MAP7: variants seen among roughly 807,000 people sequenced by gnomAD.
The protein encoded by MAP7 is ensconsin.
Under a neutral mutation model 94.8 loss-of-function variants are expected in MAP7, and 52 were observed. That is an observed-to-expected ratio of 0.55 (90% confidence interval 0.44 to 0.69). The LOEUF is 0.69. MAP7 is among the 30% of genes least tolerant of loss of function. The pLI, the probability that MAP7 is intolerant of heterozygous loss-of-function variation, is 0.00. For missense variants in MAP7, 940 were observed against 964.6 expected (o/e 0.97, Z 0.34); for synonymous variants, 350 against 357.0 (o/e 0.98, Z 0.22).
At chr6:136,412,741 G>C (rs1177654207) in intron 2 of MAP7, among the ~76,000 whole-genome samples, 1 of 152,214 alleles carries the variant, frequency 6.6e-6, no homozygotes, top group African/African-American at 2.4e-5. Context: ...GGGTGGAGAA[G>C]AGGGGTTCTG....
At chr6:136,487,116 T>C (rs1562454331) in intron 1 of MAP7, among the ~76,000 whole-genome samples, 1 of 152,192 alleles carries the variant, frequency 6.6e-6, no homozygotes, top group Non-Finnish European at 1.5e-5. Context: ...TCTTTGCCCA[T>C]GACATTGACA....
intron 1 of MAP7, among the ~76,000 whole-genome samples, chr6:136,457,507 A>G (rs1803720890): frequency 1.3e-5 from 2 of 152,168 alleles, no homozygotes; most frequent in Admixed American, 1.3e-4. Flanking sequence ...CTAAGACACT[A>G]CAAGACAAGC....
chr6:136,346,021 A>G lies in MAP7; in HGVS notation c.2074T>C (p.Phe692Leu). The part of the protein sequence containing the change: ...ENGVSVQNEN[F>L]EEIINLPIGS... The stretch of plus-strand genomic sequence containing the variant: ...ATGGGTAAGTTTATAATTTCTTCAA[A>G]ATTTTCATTCTGAACAGATACACCA... The change falls in exon 17 of 18, where the codon TTT (phenylalanine) becomes CTT (leucine). Residue 692 changes from phenylalanine (F) to leucine (L), a missense_variant. Physicochemically the swap from Phe to Leu is conservative, Grantham distance 22. Transcript: ENST00000354570. 1 of 1,613,886 alleles carries G rather than the reference A, an allele frequency of 6.2e-7. No homozygotes were observed. The highest frequency in any genetic ancestry group is 8.5e-7 in the Non-Finnish European group (1 of 1,179,826).
At chr6:136,517,469 G>A (rs193088810) in intron 1 of MAP7, among the ~76,000 whole-genome samples, 63 of 152,226 alleles carry the variant, frequency 4.1e-4, no homozygotes, top group African/African-American at 1.4e-3. Context: ...TGAGACATTT[G>A]GTTATAAATT....
chr6:136,360,935 C>T (rs1792495798), intron 12 of MAP7, 70 bp downstream of exon 12: 1 of 1,546,216 alleles, frequency 6.5e-7, no homozygotes, highest in Non-Finnish European at 8.7e-7. Flanking sequence ...CCAGTCCGCA[C>T]CCTCCTCTGC....
chr6:136,435,136 G>C (rs554280866), intron 1 of MAP7, among the ~76,000 whole-genome samples: 1 of 152,248 alleles, frequency 6.6e-6, no homozygotes, highest in Admixed American at 6.5e-5. Flanking sequence ...CATCCACTTG[G>C]GGGTTGGTGC....
intron 1 of MAP7, among the ~76,000 whole-genome samples, chr6:136,471,801 C>T (rs1809112755): frequency 6.6e-6 from 1 of 152,144 alleles, no homozygotes; most frequent in African/African-American, 2.4e-5. Context: ...TATATTAATA[C>T]TTTTCTACTC....
chr6:136,405,282 A>G (rs1785250240), intron 3 of MAP7, among the ~76,000 whole-genome samples: 1 of 152,238 alleles, frequency 6.6e-6, no homozygotes, highest in South Asian at 2.1e-4. Context: ...TCAACAAATA[A>G]GTAAAATATC....
intron 6 of MAP7, among the ~76,000 whole-genome samples, chr6:136,382,928 C>CA (rs1190294032): frequency 6.6e-6 from 1 of 152,094 alleles, no homozygotes; most frequent in Non-Finnish European, 1.5e-5. Flanking sequence ...TATGTAAAAA[C>CA]AAGCAGCTTA....
At chr6:136,393,994 T>G (rs1358933964) in intron 3 of MAP7, among the ~76,000 whole-genome samples, 1 of 144,788 alleles carries the variant, frequency 6.9e-6, no homozygotes, top group Non-Finnish European at 1.5e-5. Flanking sequence ...TTTTTTTTTT[T>G]TTTTTTTGAG....
intron 1 of MAP7, among the ~76,000 whole-genome samples, chr6:136,477,011 G>T (rs1396635590): frequency 6.6e-6 from 1 of 152,144 alleles, no homozygotes; most frequent in Non-Finnish European, 1.5e-5. Context: ...AATCACTGAG[G>T]CTAAAGTTAA....
intron 1 of MAP7, among the ~76,000 whole-genome samples, chr6:136,462,147 C>T (rs1805437507): frequency 7.2e-6 from 1 of 139,048 alleles, no homozygotes; most frequent in South Asian, 2.3e-4. Flanking sequence ...CTAGCCTGGG[C>T]AGCATAGTAA....
At chr6:136,430,188 G>A (rs1392872873) in intron 1 of MAP7, among the ~76,000 whole-genome samples, 3 of 152,120 alleles carry the variant, frequency 2.0e-5, no homozygotes, top group African/African-American at 7.2e-5. Context: ...ATGTGGAAAA[G>A]AAAAATAATT....
At chr6:136,543,392 T>C (rs1829481789) in intron 1 of MAP7, among the ~76,000 whole-genome samples, 1 of 152,222 alleles carries the variant, frequency 6.6e-6, no homozygotes, top group Non-Finnish European at 1.5e-5. Context: ...CTCACGCCTG[T>C]AATCCCAGCA....
At chr6:136,356,601 T>C in intron 16 of MAP7, 91 bp downstream of exon 16, 1 of 983,300 alleles carries the variant, frequency 1.0e-6, no homozygotes, top group Non-Finnish European at 1.5e-6. Flanking sequence ...CCCCAAATAA[T>C]AAATCCTAAT....
At chr6:136,486,319 A>C (rs1316661040) in intron 1 of MAP7, among the ~76,000 whole-genome samples, 2 of 152,170 alleles carry the variant, frequency 1.3e-5, no homozygotes, top group African/African-American at 4.8e-5. Context: ...TCCCTGGCAA[A>C]AGCAAGAACA....
At chr6:136,432,534 A>G (rs1795240213) in intron 1 of MAP7, among the ~76,000 whole-genome samples, 1 of 152,202 alleles carries the variant, frequency 6.6e-6, no homozygotes, top group Admixed American at 6.5e-5. Context: ...GGAATTCTAA[A>G]AAGAATGTGA....
At chr6:136,460,646 A>T (rs1017921582) in intron 1 of MAP7, among the ~76,000 whole-genome samples, 2 of 152,136 alleles carry the variant, frequency 1.3e-5, no homozygotes, top group Non-Finnish European at 2.9e-5. Context: ...TCATCCTTCA[A>T]TACAAGCAGA....
At chr6:136,476,430 G>A (rs944854298) in intron 1 of MAP7, among the ~76,000 whole-genome samples, 1 of 152,028 alleles carries the variant, frequency 6.6e-6, no homozygotes, top group African/African-American at 2.4e-5. Flanking sequence ...GATTTTTGTG[G>A]CTTTGAAGTT....
Sources: allele counts gnomAD v4.1 joint callset (sites outside exome capture counted in the v4.1 genomes callset), GRCh38; gene constraint gnomAD v4.1.1; transcripts MANE v1.5; gene names NCBI Gene and HGNC (gene_info 2026-07-23, HGNC 2026-07-21).